The following CTPS2 variants were observed in gnomAD, a reference collection of about 807,000 sequenced individuals.
CTPS2 encodes the protein CTP synthase 2, also known as CTP synthase II.
CTPS2 carries 19 observed loss-of-function variants against 46.8 expected under a neutral mutation model. The observed-to-expected ratio is 0.41, with a 90% CI of 0.28 to 0.60. The LOEUF is 0.60. CTPS2 is among the 20% of genes least tolerant of loss of function. The pLI is 0.35. For missense variants in CTPS2, 286 were observed against 447.6 expected, an observed-to-expected ratio of 0.64 and a Z score of 3.26; for synonymous variants, 151 against 165.2, an observed-to-expected ratio of 0.91 and a Z score of 0.66.
chrX:16,654,554 T>C, intron 13 of CTPS2: 1 of 784,031 alleles, frequency 1.3e-6, no homozygotes, highest in Non-Finnish European at 1.9e-6. Context: ...GAAGAGCGCC[T>C]GTGCTGTGGT....
Position 16,602,532 on chromosome X carries a change from T to C in CTPS2, c.1691+7009A>G, listed in dbSNP as rs146120505. Among the ~76,000 whole-genome samples the C allele has an allele frequency of 6.9e-3, 772 of 111,597 alleles. 12 individuals are homozygous for C. Among genetic ancestry groups the C allele is most frequent in the African/African-American group, 0.024 (736 of 30,673 alleles). ...GCACTTATTCAAGCACCCAGCACAGTGGCTGGGATAGAATAAGCTTTAACA... is the reference window on the plus strand; with the variant it reads ...GCACTTATTCAAGCACCCAGCACAGCGGCTGGGATAGAATAAGCTTTAACA... On this transcript the variant is annotated intron_variant, in intron 17 of 18. Coordinates refer to ENST00000359276, the MANE Select transcript of CTPS2 (RefSeq NM_175859.3).
chrX:16,696,353 A>G (rs1015677968), intron 4 of CTPS2, among the ~76,000 whole-genome samples: 2 of 111,934 alleles, frequency 1.8e-5, no homozygotes, highest in Non-Finnish European at 1.9e-5. Flanking sequence ...CAGGGTTATA[A>G]CGGAGAAGGG....
At chrX:16,703,276 C>T (rs1924723571) in intron 1 of CTPS2, among the ~76,000 whole-genome samples, 1 of 109,821 alleles carries the variant, frequency 9.1e-6, no homozygotes, top group African/African-American at 3.3e-5. Context: ...ATCCACCTGC[C>T]TCAGCCTCCC....
chrX:16,648,353 G>A (rs1297945061), intron 13 of CTPS2, among the ~76,000 whole-genome samples: 1 of 111,799 alleles, frequency 8.9e-6, no homozygotes. Flanking sequence ...CAGGGGTGGA[G>A]GAAAGTATCT....
chrX:16,687,510 GA>G (rs1203635569), intron 8 of CTPS2, among the ~76,000 whole-genome samples: 2 of 100,323 alleles, frequency 2.0e-5, no homozygotes, highest in South Asian at 4.4e-4. Flanking sequence ...AAAAGAAAAA[GA>G]AAAAAAGCAT....
intron 13 of CTPS2, among the ~76,000 whole-genome samples, chrX:16,647,558 G>C (rs1389528628): frequency 1.8e-5 from 2 of 109,530 alleles, no homozygotes; most frequent in Admixed American, 2.0e-4. Flanking sequence ...GTGAACCACC[G>C]TGCCCGGCCG....
In CTPS2 at chrX:16,691,571, A is replaced by C; in HGVS notation, c.689T>G (p.Ile230Ser). 8.3e-7 allele frequency: 1 copy of C among 1,211,366 alleles called. No individual in the cohort carries two copies. The highest frequency in any genetic ancestry group is 1.1e-6 in the Non-Finnish European group (1 of 895,033). ...TPIEMAVKEKISMFCHVNPEQ... is the reference protein window; with the variant it reads ...TPIEMAVKEKSSMFCHVNPEQ... ...AGGGTTCACGTGACAAAACATAGAA[A>C]TCTTCTCCTTCACGGCCATCTCAAT... Residue 230 changes from isoleucine (I) to serine (S), a missense_variant, in exon 7 of 19, where the codon ATT becomes AGT. Coordinates refer to ENST00000359276, the MANE Select transcript of CTPS2 (RefSeq NM_175859.3).
At chrX:16,603,265 A>C (rs1929769816) in intron 17 of CTPS2, among the ~76,000 whole-genome samples, 1 of 110,015 alleles carries the variant, frequency 9.1e-6, no homozygotes, top group African/African-American at 3.3e-5. Flanking sequence ...AAATACAAAA[A>C]AATTAGCCGG....
intron 1 of CTPS2, among the ~76,000 whole-genome samples, chrX:16,705,347 CTGATT>C (rs1404297482): frequency 6.7e-4 from 75 of 112,507 alleles, no homozygotes; most frequent in African/African-American, 2.1e-3. Flanking sequence ...GGACAAGAGA[CTGATT>C]TGAGTAACTT....
intron 13 of CTPS2, among the ~76,000 whole-genome samples, chrX:16,639,660 G>A (rs1360564219): frequency 2.8e-5 from 3 of 108,114 alleles, no homozygotes; most frequent in African/African-American, 1.0e-4. Flanking sequence ...AAATCTATCA[G>A]TACTTGTACT....
rs374984831 is a variant in CTPS2, at chrX:16,674,634, C to G, written c.1094+3728G>C. On this transcript the variant is annotated intron_variant, in intron 10 of 18. Coordinates refer to ENST00000359276, the MANE Select transcript of CTPS2 (RefSeq NM_175859.3). Reference sequence around the variant, plus strand: ...TGGGCAGATCACGAGGTCAGGAGATCGAGACCATCCTGGCTAACACGGTGA... The same window carrying G: ...TGGGCAGATCACGAGGTCAGGAGATGGAGACCATCCTGGCTAACACGGTGA... 6.5e-3 allele frequency among the ~76,000 whole-genome samples: 680 copies of G among 104,688 alleles called. 2 individuals carry two copies. Among genetic ancestry groups the G allele is most frequent in the African/African-American group, 0.018 (509 of 28,230 alleles). The allele number at this position is 104,688 out of a possible 115,157, so 90.9% of individuals were successfully genotyped here. A position where few individuals can be genotyped will look rare whatever the true frequency, so the allele number is the denominator to read the frequency against.
chrX:16,651,138 C>T, intron 13 of CTPS2: 1 of 1,007,659 alleles, frequency 9.9e-7, no homozygotes, highest in South Asian at 1.9e-5. Flanking sequence ...CCAGTTTACT[C>T]AAAGTAAGTG....
intron 8 of CTPS2, among the ~76,000 whole-genome samples, chrX:16,688,216 G>A: frequency 9.0e-6 from 1 of 110,977 alleles, no homozygotes; most frequent in Non-Finnish European, 1.9e-5. Context: ...TGGCAAACAT[G>A]GTGAAACCCC....
At chrX:16,660,053 C>T (rs1442537712) in intron 13 of CTPS2, among the ~76,000 whole-genome samples, 1 of 112,099 alleles carries the variant, frequency 8.9e-6, no homozygotes, top group Non-Finnish European at 1.9e-5. Context: ...ACAATAATTT[C>T]ATATCTTTTG....
intron 13 of CTPS2, among the ~76,000 whole-genome samples, chrX:16,641,308 G>C (rs1179825029): frequency 8.9e-6 from 1 of 112,326 alleles, no homozygotes; most frequent in African/African-American, 3.2e-5. Context: ...AGTGCACTAC[G>C]ACTCTTCAGT....
chrX:16,604,721 A>G (rs888127688), intron 17 of CTPS2, among the ~76,000 whole-genome samples: 1 of 112,161 alleles, frequency 8.9e-6, no homozygotes, highest in Non-Finnish European at 1.9e-5. Flanking sequence ...AACAAAGAAA[A>G]CTTGCAATTA....
chrX:16,632,824 C>A, intron 14 of CTPS2, among the ~76,000 whole-genome samples: 1 of 111,113 alleles, frequency 9.0e-6, no homozygotes, highest in East Asian at 2.8e-4. Flanking sequence ...AGTGTCCAAG[C>A]CCTGGTTCTG....
At chrX:16,660,248 C>T (rs759525681) in intron 13 of CTPS2, among the ~76,000 whole-genome samples, 44 of 109,641 alleles carry the variant, frequency 4.0e-4, no homozygotes, top group Middle Eastern at 9.2e-3. Context: ...CAGGGTCTCA[C>T]TCTGTCACCC....
At chrX:16,677,722 C>T (rs1299203294) in intron 10 of CTPS2, among the ~76,000 whole-genome samples, 1 of 111,688 alleles carries the variant, frequency 9.0e-6, no homozygotes, top group Non-Finnish European at 1.9e-5. Context: ...CAGCTAAAAG[C>T]CACCAAAACC....
Sources: gnomAD v4.1 joint callset for allele counts (sites outside exome capture counted in the v4.1 genomes callset) on GRCh38, gnomAD v4.1.1 for gene constraint, MANE v1.5 for transcripts, NCBI Gene and HGNC (gene_info 2026-07-23, HGNC 2026-07-21) for gene names.